The following PRKG1 variants were observed in gnomAD, a reference collection of about 807,000 sequenced individuals.
PRKG1 encodes cGMP-dependent protein kinase 1.
Under a neutral mutation model 88.1 loss-of-function variants are expected in PRKG1, and 35 were observed. That is an observed-to-expected ratio of 0.40 (90% CI 0.30 to 0.53). PRKG1 has a LOEUF of 0.53. Ranked by LOEUF, PRKG1 falls within the 20% of genes least tolerant of loss-of-function variation. The probability of loss-of-function intolerance (pLI) is 0.59; values close to 1 mark genes in which losing one functional copy is unlikely to be tolerated. For missense variants in PRKG1, 540 were observed against 839.8 expected (o/e 0.64, Z 4.41); for synonymous variants, 303 against 292.5 (o/e 1.04, Z -0.37).
chr10:52,209,608 T>G (rs1194496), intron 9 of PRKG1, among the ~76,000 whole-genome samples: 151,739 of 152,306 alleles, frequency 1, 75,591 homozygotes, highest in Middle Eastern at 1. Context: ...GCTCTTGACA[T>G]ATGTTTTTTG....
At chr10:51,689,239 A>ACTATCTATCTAT (rs1164074395) in intron 3 of PRKG1, among the ~76,000 whole-genome samples, 23,776 of 150,210 alleles carry the variant, frequency 0.16, 2,275 homozygotes, top group African/African-American at 0.26. Context: ...AAATCTATCT[A>ACTATCTATCTAT]CTATCTATCT....
intron 3 of PRKG1, among the ~76,000 whole-genome samples, chr10:51,628,937 G>A (rs1839447999): frequency 6.7e-6 from 1 of 148,822 alleles, no homozygotes; most frequent in Non-Finnish European, 1.5e-5. Flanking sequence ...CCGCAGTCCG[G>A]CCTGGGCGAC....
intron 4 of PRKG1, among the ~76,000 whole-genome samples, chr10:51,808,266 CTT>C (rs1367509293): frequency 3.3e-5 from 5 of 151,896 alleles, no homozygotes; most frequent in Non-Finnish European, 5.9e-5. Context: ...CAAAAAGTGA[CTT>C]ATCACTTTTT....
chr10:51,232,082 GT>G (rs2132110463), intron 2 of PRKG1, among the ~76,000 whole-genome samples: 1 of 152,198 alleles, frequency 6.6e-6, no homozygotes, highest in South Asian at 2.1e-4. Context: ...CAAACTAAAG[GT>G]ACTAAAAAGA....
intron 9 of PRKG1, among the ~76,000 whole-genome samples, chr10:52,173,215 T>C (rs1178184620): frequency 6.6e-6 from 1 of 152,240 alleles, no homozygotes; most frequent in African/African-American, 2.4e-5. Context: ...AGGTGCTTGC[T>C]TTATTCAAAA....
At chr10:52,243,362 C>T (rs1840917272) in intron 9 of PRKG1, among the ~76,000 whole-genome samples, 1 of 152,104 alleles carries the variant, frequency 6.6e-6, no homozygotes, top group South Asian at 2.1e-4. Context: ...GCCCAGAAGT[C>T]AGAATGGCAG....
At chr10:51,637,838 T>G (rs541345581) in intron 3 of PRKG1, among the ~76,000 whole-genome samples, 6 of 152,278 alleles carry the variant, frequency 3.9e-5, no homozygotes, top group African/African-American at 1.4e-4. Flanking sequence ...ACTTAGGTGA[T>G]GGGATGATCT....
chr10:51,298,320 A>G (rs143202945), intron 2 of PRKG1, among the ~76,000 whole-genome samples: 200 of 152,300 alleles, frequency 1.3e-3, no homozygotes, highest in African/African-American at 4.6e-3. Context: ...ACTGAATTGA[A>G]TATTATGACT....
At chr10:51,925,380 T>C (rs569427702) in intron 5 of PRKG1, among the ~76,000 whole-genome samples, 1 of 152,256 alleles carries the variant, frequency 6.6e-6, no homozygotes, top group East Asian at 1.9e-4. Flanking sequence ...TTTAATATTG[T>C]TATACAGGAG....
At chr10:51,970,740 T>G (rs1414635230) in intron 5 of PRKG1, among the ~76,000 whole-genome samples, 3 of 127,782 alleles carry the variant, frequency 2.3e-5, no homozygotes, top group East Asian at 2.0e-4. Context: ...TATCAGATTA[T>G]ATATATATAT....
chr10:51,757,738 G>A (rs867521862), intron 3 of PRKG1, among the ~76,000 whole-genome samples: 1 of 152,084 alleles, frequency 6.6e-6, no homozygotes, highest in Non-Finnish European at 1.5e-5. Context: ...TTGTTATGGT[G>A]ACTATATTTT....
intron 3 of PRKG1, among the ~76,000 whole-genome samples, chr10:51,710,403 C>T (rs1035448612): frequency 5.3e-5 from 8 of 152,038 alleles, no homozygotes; most frequent in African/African-American, 1.4e-4. Context: ...GCACTGTCCC[C>T]GAATTCTATC....
At chr10:51,855,597 G>C (rs1840660474) in intron 4 of PRKG1, among the ~76,000 whole-genome samples, 1 of 152,036 alleles carries the variant, frequency 6.6e-6, no homozygotes, top group African/African-American at 2.4e-5. Context: ...CTAAATCCCA[G>C]GCAACAAATT....
chr10:51,591,218 T>A (rs945252250), intron 3 of PRKG1, among the ~76,000 whole-genome samples: 4 of 152,036 alleles, frequency 2.6e-5, no homozygotes. Flanking sequence ...AAAGGAAAAA[T>A]TTTTGCATAT....
At chr10:51,294,986 G>T (rs944206729) in intron 2 of PRKG1, among the ~76,000 whole-genome samples, 2 of 152,120 alleles carry the variant, frequency 1.3e-5, no homozygotes, top group Non-Finnish European at 2.9e-5. Context: ...GGGAGACTGA[G>T]GGGGGAGGAT....
At chr10:51,165,002 A>G (rs1056262404) in intron 2 of PRKG1, among the ~76,000 whole-genome samples, 2 of 152,230 alleles carry the variant, frequency 1.3e-5, no homozygotes, top group African/African-American at 4.8e-5. Flanking sequence ...GAACTTCCCC[A>G]ATCTAGCAAG....
At chr10:52,029,917 T>A (rs1845436756) in intron 5 of PRKG1, among the ~76,000 whole-genome samples, 1 of 152,134 alleles carries the variant, frequency 6.6e-6, no homozygotes, top group African/African-American at 2.4e-5. Flanking sequence ...ACCTTCCTGA[T>A]ATATCATCTC....
chr10:52,120,843 C>T (rs984770954), intron 7 of PRKG1, among the ~76,000 whole-genome samples: 3 of 152,130 alleles, frequency 2.0e-5, no homozygotes, highest in East Asian at 3.9e-4. Flanking sequence ...AGCCCCACTC[C>T]TATGGCTCCA....
At chr10:51,902,781 C>A (rs1177087780) in intron 4 of PRKG1, among the ~76,000 whole-genome samples, 1 of 152,126 alleles carries the variant, frequency 6.6e-6, no homozygotes, top group African/African-American at 2.4e-5. Context: ...TCCCATTAGT[C>A]ATTAAAGTGA....
Sources: allele counts gnomAD v4.1 joint callset (sites outside exome capture counted in the v4.1 genomes callset), GRCh38; gene constraint gnomAD v4.1.1; transcripts MANE v1.5; gene names NCBI Gene and HGNC (gene_info 2026-07-23, HGNC 2026-07-21).